TNS3: variants seen among roughly 807,000 people sequenced by gnomAD.
The protein encoded by TNS3 is tensin-3.
A neutral mutation model predicts 140.9 loss-of-function variants in TNS3; 45 were observed. The ratio of observed to expected loss-of-function variants is 0.32; its 90% CI spans 0.25 to 0.41. The LOEUF is 0.41. Among genes scored for constraint, TNS3 ranks in the 10% least tolerant of loss-of-function variants. The probability of loss-of-function intolerance (pLI) is 1.00; values close to 1 mark genes in which losing one functional copy is unlikely to be tolerated. For synonymous variants in TNS3, 815 were observed against 788.4 expected, an observed-to-expected ratio of 1.03 and a Z score of -0.56; for missense variants, 1,716 against 1,906.7, an observed-to-expected ratio of 0.90 and a Z score of 1.86.
At position 47,426,030 on chromosome 7, in the gene TNS3, A is replaced by AC. The variant is rs1260886347; in HGVS notation, c.390-1847_390-1846insG. ...GAAGCAACCTAAATTACAAAAAAAA[A>AC]ACACACACTTAGGAGGCTGAGGTGG... is the stretch of plus-strand genomic sequence containing the variant. On this transcript the variant is annotated intron_variant, in intron 9 of 30. Transcript: ENST00000311160. Among the ~76,000 whole-genome samples, 4 of 152,108 alleles carry AC rather than the reference A, an allele frequency of 2.6e-5. No individual in the cohort carries two copies. The East Asian group carries it at 5.8e-4, about 22-fold the overall frequency.
chr7:47,378,017 G>A (rs976832431), intron 16 of TNS3, among the ~76,000 whole-genome samples: 3 of 152,150 alleles, frequency 2.0e-5, no homozygotes, highest in African/African-American at 7.2e-5. Flanking sequence ...ATAGCTGTGT[G>A]ACTTCAGATG....
chr7:47,469,715 T>C (rs1469987907), intron 4 of TNS3, among the ~76,000 whole-genome samples: 2 of 152,142 alleles, frequency 1.3e-5, no homozygotes, highest in African/African-American at 2.4e-5. Flanking sequence ...GGCTCACGCC[T>C]GTAATCCCAG....
intron 10 of TNS3, among the ~76,000 whole-genome samples, chr7:47,415,578 GCT>G (rs1006903035): frequency 1.7e-4 from 26 of 152,210 alleles, no homozygotes; most frequent in Admixed American, 5.9e-4. Flanking sequence ...GTGGGCGTGT[GCT>G]CTGTCACTAG....
At chr7:47,297,791 T>G (rs1036101782) in intron 23 of TNS3, among the ~76,000 whole-genome samples, 2 of 148,202 alleles carry the variant, frequency 1.3e-5, no homozygotes, top group Non-Finnish European at 3.0e-5. Context: ...AGAAGTTTTT[T>G]TTTTTTTTTT....
intron 4 of TNS3, among the ~76,000 whole-genome samples, chr7:47,449,590 T>A (rs777869937): frequency 3.3e-5 from 5 of 152,186 alleles, no homozygotes; most frequent in Admixed American, 6.5e-5. Context: ...CTTTCTACTT[T>A]GGTCTCCTTT....
At chr7:47,517,415 C>A (rs903022495) in intron 2 of TNS3, among the ~76,000 whole-genome samples, 2 of 152,172 alleles carry the variant, frequency 1.3e-5, no homozygotes, top group African/African-American at 2.4e-5. Flanking sequence ...TCAGATAAGT[C>A]TCGTCGGGAA....
chr7:47,435,553 G>T, intron 7 of TNS3, 149 bp from the exon 8 acceptor site: 1 of 1,126,820 alleles, frequency 8.9e-7, no homozygotes, highest in South Asian at 1.3e-5. Flanking sequence ...TGAGCATGAG[G>T]ATCAACTTCC....
intron 1 of TNS3, among the ~76,000 whole-genome samples, chr7:47,529,783 C>T (rs1466998777): frequency 6.6e-6 from 1 of 152,198 alleles, no homozygotes; most frequent in Non-Finnish European, 1.5e-5. Flanking sequence ...AGGCTCTCAG[C>T]TATATGATAA....
chr7:47,369,719 G>A (rs755096744), intron 16 of TNS3, 98 bp from the exon 17 acceptor site: 1 of 1,317,172 alleles, frequency 7.6e-7, no homozygotes, highest in Non-Finnish European at 1.0e-6. Context: ...ACAAATAAAT[G>A]GATTCAAAAT....
In TNS3 at chr7:47,424,192, GGAGA is replaced by G. The variant is rs141397870; in HGVS notation, c.390-12_390-9del. On this transcript the variant is annotated splice_polypyrimidine_tract_variant and intron_variant, in intron 9 of 30. Transcript: ENST00000311160. ...TCAAGGGCCTGGTCGGCGCTGAAGGGGAGAGAGAGAGAAAGAGAGTTAACTCAGT... is the reference window on the plus strand; with the variant it reads ...TCAAGGGCCTGGTCGGCGCTGAAGGGGAGAGAGAAAGAGAGTTAACTCAGT... 3 of 1,613,160 alleles carry G rather than the reference GGAGA, an allele frequency of 1.9e-6. No homozygotes were observed. The highest frequency in any genetic ancestry group is 1.3e-5 in the African/African-American group (1 of 74,848).
intron 10 of TNS3, among the ~76,000 whole-genome samples, chr7:47,422,736 G>A (rs369822819): frequency 4.2e-4 from 64 of 152,078 alleles, no homozygotes; most frequent in African/African-American, 1.4e-3. Context: ...AAGAAAAGAC[G>A]ACAGCTGGAC....
chr7:47,567,284 C>A (rs1055946128), intron 1 of TNS3, among the ~76,000 whole-genome samples: 4 of 152,094 alleles, frequency 2.6e-5, no homozygotes, highest in African/African-American at 9.7e-5. Context: ...CAAAACTTTG[C>A]AAACTCACAG....
intron 8 of TNS3, among the ~76,000 whole-genome samples, chr7:47,433,175 G>A (rs183114151): frequency 5.4e-4 from 83 of 152,338 alleles, no homozygotes; most frequent in Admixed American, 1.0e-3. Context: ...GCCCAGCTAC[G>A]CTAGAAATTC....
chr7:47,474,171 C>G (rs1161392909), intron 4 of TNS3, among the ~76,000 whole-genome samples: 1 of 145,190 alleles, frequency 6.9e-6, no homozygotes, highest in East Asian at 2.0e-4. Flanking sequence ...ACCTCACACA[C>G]AACACCTCAC....
chr7:47,405,718 G>A (rs1361178188), intron 13 of TNS3, among the ~76,000 whole-genome samples: 1 of 152,156 alleles, frequency 6.6e-6, no homozygotes, highest in African/African-American at 2.4e-5. Context: ...ACAGAGATCT[G>A]TAGAAACCTC....
chr7:47,334,408 C>T (rs1788508308), intron 20 of TNS3, among the ~76,000 whole-genome samples: 1 of 152,176 alleles, frequency 6.6e-6, no homozygotes. Flanking sequence ...CCCAAACCCC[C>T]TCTGAATACC....
chr7:47,279,752 G>T, intron 30 of TNS3: 1 of 196,050 alleles, frequency 5.1e-6, no homozygotes, highest in Non-Finnish European at 1.0e-5. Flanking sequence ...GTGGAGCAAC[G>T]GTGTGATGAA....
At chr7:47,337,627 C>G (rs1228916469) in intron 20 of TNS3, among the ~76,000 whole-genome samples, 1 of 152,244 alleles carries the variant, frequency 6.6e-6, no homozygotes, top group Non-Finnish European at 1.5e-5. Flanking sequence ...TTCCAGCCCA[C>G]TGTCCATCCC....
intron 23 of TNS3, 43 bp from the exon 24 acceptor site, chr7:47,297,256 A>C: frequency 6.3e-7 from 1 of 1,580,822 alleles, no homozygotes; most frequent in East Asian, 2.2e-5. Flanking sequence ...TGCCGGGTGG[A>C]CAAAGGTCTA....
Sources: gnomAD v4.1 joint callset for allele counts (sites outside exome capture counted in the v4.1 genomes callset) on GRCh38, gnomAD v4.1.1 for gene constraint, MANE v1.5 for transcripts, NCBI Gene and HGNC (gene_info 2026-07-23, HGNC 2026-07-21) for gene names.